Variants in GPC6 observed in about 807,000 individuals in gnomAD.
GPC6 encodes glypican-6.
Under a neutral mutation model 55.2 loss-of-function variants are expected in GPC6, and 14 were observed. The ratio of observed to expected loss-of-function variants is 0.25; its 90% CI spans 0.17 to 0.40. The LOEUF (loss-of-function observed/expected upper bound fraction) is 0.40. GPC6 is among the 10% of genes least tolerant of loss of function. The pLI is 1.00. For synonymous variants in GPC6, 278 were observed against 259.6 expected (o/e 1.07, Z -0.68); for missense variants, 641 against 708.5 (o/e 0.90, Z 1.08).
intron 4 of GPC6, among the ~76,000 whole-genome samples, chr13:94,198,960 C>T (rs1237782289): frequency 1.3e-5 from 2 of 152,150 alleles, no homozygotes; most frequent in Admixed American, 6.6e-5. Context: ...CAGAGGACTT[C>T]CTCGAGATAA....
At chr13:93,245,862 A>C (rs955733629) in intron 1 of GPC6, among the ~76,000 whole-genome samples, 2 of 152,238 alleles carry the variant, frequency 1.3e-5, no homozygotes, top group Non-Finnish European at 2.9e-5. Context: ...GGACCAGAGC[A>C]GTCTATCCCA....
chr13:94,074,475 C>T (rs1594715372), intron 4 of GPC6, among the ~76,000 whole-genome samples: 1 of 152,198 alleles, frequency 6.6e-6, no homozygotes, highest in Non-Finnish European at 1.5e-5. Context: ...AATTCCTCCC[C>T]TTCAGGATGC....
chr13:94,366,288 T>C (rs2139186979), intron 6 of GPC6, among the ~76,000 whole-genome samples: 1 of 152,354 alleles, frequency 6.6e-6, no homozygotes, highest in African/African-American at 2.4e-5. Flanking sequence ...CTATTAAATA[T>C]TGGAGTGGTC....
intron 1 of GPC6, among the ~76,000 whole-genome samples, chr13:93,295,081 G>A (rs1330532320): frequency 3.4e-5 from 5 of 145,660 alleles, no homozygotes; most frequent in Non-Finnish European, 7.5e-5. Context: ...AGACCAGCCA[G>A]GGTGATTATG....
intron 2 of GPC6, among the ~76,000 whole-genome samples, chr13:93,707,879 G>A (rs7986313): frequency 0.16 from 23,678 of 151,542 alleles, 2,829 homozygotes; most frequent in South Asian, 0.33. Flanking sequence ...GCCACCTTCG[G>A]CATAATTCTG....
At chr13:94,187,639 T>C (rs1889249078) in intron 4 of GPC6, among the ~76,000 whole-genome samples, 1 of 152,172 alleles carries the variant, frequency 6.6e-6, no homozygotes, top group South Asian at 2.1e-4. Flanking sequence ...GTGTCCACTA[T>C]CGGGCAAACA....
intron 3 of GPC6, chr13:93,836,241 A>C (rs937595687): frequency 1.3e-5 from 2 of 152,246 alleles, no homozygotes; most frequent in African/African-American, 2.4e-5. Flanking sequence ...GAGGTTATCA[A>C]ATGCCTCTGT....
intron 3 of GPC6, among the ~76,000 whole-genome samples, chr13:93,879,895 G>T (rs1874849530): frequency 1.3e-5 from 2 of 151,514 alleles, no homozygotes; most frequent in Non-Finnish European, 3.0e-5. Flanking sequence ...CCATCAAAAA[G>T]TGGGCGAAGG....
chr13:93,762,642 G>T (rs959946993), intron 2 of GPC6, among the ~76,000 whole-genome samples: 5 of 152,170 alleles, frequency 3.3e-5, no homozygotes, highest in African/African-American at 1.2e-4. Flanking sequence ...GCTTGACTTG[G>T]CTGTCACCTT....
intron 2 of GPC6, among the ~76,000 whole-genome samples, chr13:93,728,047 T>C (rs953067824): frequency 6.6e-6 from 1 of 152,168 alleles, no homozygotes; most frequent in African/African-American, 2.4e-5. Context: ...GTTTTGTTTT[T>C]AAACACTTGG....
chr13:93,799,289 CT>C (rs1261342727), intron 2 of GPC6, among the ~76,000 whole-genome samples: 1 of 152,146 alleles, frequency 6.6e-6, no homozygotes, highest in African/African-American at 2.4e-5. Flanking sequence ...GAACTCCCCC[CT>C]AATTTAATAC....
chr13:94,129,357 TTCTTTAGCTTCTGGG>T (rs1886934821), intron 4 of GPC6, among the ~76,000 whole-genome samples: 1 of 152,082 alleles, frequency 6.6e-6, no homozygotes. Context: ...GGGTCCCTTG[TTCTTTAGCTTCTGGG>T]TCAGTTAAGC....
Position 94,246,860 on chromosome 13 carries a change from G to A in GPC6, c.878-39489G>A, listed in dbSNP as rs559715296. Reference sequence around the variant, plus strand: ...TCGTTGTGGCTATTTAGGGTCTTTTGTGGTTCTATATGAATTTTAGGATTG... The same window carrying A: ...TCGTTGTGGCTATTTAGGGTCTTTTATGGTTCTATATGAATTTTAGGATTG... On this transcript the variant is annotated intron_variant, in intron 4 of 8. Transcript: ENST00000377047. Among the ~76,000 whole-genome samples the A allele has an allele frequency of 2.7e-3, 405 of 151,970 alleles. 3 individuals are homozygous for A. Among genetic ancestry groups the A allele is most frequent in the African/African-American group, 9.3e-3 (385 of 41,476 alleles).
At chr13:93,574,333 T>C (rs7997500) in intron 2 of GPC6, among the ~76,000 whole-genome samples, 106,211 of 152,060 alleles carry the variant, frequency 0.7, 38,772 homozygotes, top group Non-Finnish European at 0.81. Context: ...AAGGCTGCTA[T>C]AAGTGACGAC....
intron 4 of GPC6, among the ~76,000 whole-genome samples, chr13:94,157,771 G>A (rs927926980): frequency 6.6e-6 from 1 of 152,140 alleles, no homozygotes; most frequent in Non-Finnish European, 1.5e-5. Context: ...AAACTGGAAG[G>A]CAGGAAGACA....
At chr13:93,886,632 G>A (rs1253185320) in intron 3 of GPC6, among the ~76,000 whole-genome samples, 1 of 151,926 alleles carries the variant, frequency 6.6e-6, no homozygotes, top group Non-Finnish European at 1.5e-5. Flanking sequence ...AAACTGACCT[G>A]TCCTTCATTG....
At chr13:93,716,033 C>G (rs1390639684) in intron 2 of GPC6, among the ~76,000 whole-genome samples, 1 of 151,544 alleles carries the variant, frequency 6.6e-6, no homozygotes, top group African/African-American at 2.4e-5. Context: ...TTCGTATCCC[C>G]TCGTGACTCA....
intron 4 of GPC6, among the ~76,000 whole-genome samples, chr13:94,099,874 A>G (rs1885794079): frequency 6.6e-6 from 1 of 152,168 alleles, no homozygotes; most frequent in African/African-American, 2.4e-5. Flanking sequence ...CATGAGTTAG[A>G]AATGTTGGTG....
intron 2 of GPC6, among the ~76,000 whole-genome samples, chr13:93,653,223 A>T (rs201431162): frequency 6.6e-6 from 1 of 152,186 alleles, no homozygotes; most frequent in East Asian, 1.9e-4. Context: ...TATAGTTATC[A>T]ATATCATATG....
Sources: gnomAD v4.1 joint callset for allele counts (sites outside exome capture counted in the v4.1 genomes callset) on GRCh38, gnomAD v4.1.1 for gene constraint, MANE v1.5 for transcripts, NCBI Gene and HGNC (gene_info 2026-07-23, HGNC 2026-07-21) for gene names.